TRRAP: variants seen among roughly 807,000 people sequenced by gnomAD.
TRRAP encodes the protein transformation/transcription domain associated protein.
A neutral mutation model predicts 438.8 loss-of-function variants in TRRAP; 41 were observed. The observed-to-expected ratio is 0.09, with a 90% confidence interval of 0.07 to 0.12. The LOEUF is 0.12. Among genes scored for constraint, TRRAP ranks in the 10% least tolerant of loss-of-function variants. The pLI, the probability that TRRAP is intolerant of heterozygous loss-of-function variation, is 1.00. For synonymous variants in TRRAP, 1,994 were observed against 1,962.9 expected, an observed-to-expected ratio of 1.02 and a Z score of -0.42; for missense variants, 3,122 against 5,055.1, an observed-to-expected ratio of 0.62 and a Z score of 11.60.
At position 98,967,715 on chromosome 7, in the gene TRRAP, C is replaced by T; in HGVS notation, c.7512+17C>T. 6.2e-7 allele frequency: 1 copy of T among 1,607,126 alleles called. No individual in the cohort carries two copies. The highest frequency in any genetic ancestry group is 8.5e-7 in the Non-Finnish European group (1 of 1,176,106). ...TGCATTGAGGTAGGAAGACTCGGCT[C>T]ACATCTGTGGCCGGGGGCAGCTGTG... On this transcript the variant is annotated intron_variant, in intron 51 of 72. Transcript: ENST00000456197.
At chr7:98,932,753 A>G (rs1417044428) in intron 26 of TRRAP, among the ~76,000 whole-genome samples, 3 of 152,178 alleles carry the variant, frequency 2.0e-5, no homozygotes, top group Non-Finnish European at 4.4e-5. Flanking sequence ...AAATAGTTAC[A>G]CTTTAATAGT....
intron 20 of TRRAP, among the ~76,000 whole-genome samples, chr7:98,919,288 C>T (rs1225878921): frequency 6.6e-6 from 1 of 151,944 alleles, no homozygotes; most frequent in Non-Finnish European, 1.5e-5. Flanking sequence ...AGATCTTGGG[C>T]TTCATCTAGG....
rs150643572 is a variant in TRRAP, at chr7:98,970,124, G to A, written c.7525G>A (p.Val2509Met). The A allele has an allele frequency of 6.1e-5, 99 of 1,613,668 alleles. No homozygotes were observed. The highest frequency in any genetic ancestry group is 8.3e-5 in the Admixed American group (5 of 59,982). The part of the protein sequence containing the change: ...IKQCIELLLA[V>M]CEKSTPIGTS... ...GCACCCCTTGCAGCTGCTTCTGGCC[G>A]TGTGTGAGAAGAGCACCCCCATTGG... Residue 2509 changes from valine to methionine, a missense_variant, in exon 52 of 73, where the codon GTG becomes ATG. This residue lies in a region of TRRAP where 992 missense variants were observed against 1,281.2 expected (regional missense o/e 0.77). Coordinates refer to ENST00000456197, the MANE Select transcript of TRRAP (RefSeq NM_001375524.1).
intron 1 of TRRAP, among the ~76,000 whole-genome samples, chr7:98,879,169 C>T (rs2116206303): frequency 2.0e-5 from 3 of 152,290 alleles, no homozygotes; most frequent in East Asian, 3.9e-4. Context: ...GCAGTTTGTC[C>T]CCAGGAGTAG....
At chr7:98,997,546 A>G (rs1793727555) in intron 67 of TRRAP, among the ~76,000 whole-genome samples, 1 of 147,344 alleles carries the variant, frequency 6.8e-6, no homozygotes, top group African/African-American at 2.5e-5. Flanking sequence ...ATAGCTTGTT[A>G]GAGAAGATCT....
intron 52 of TRRAP, 132 bp downstream of exon 52, chr7:98,970,423 C>T (rs1299513782): frequency 9.4e-6 from 11 of 1,166,682 alleles, no homozygotes; most frequent in African/African-American, 4.6e-5. Context: ...TGAGGCCCCG[C>T]GCCCCACGGG....
Position 98,905,439 on chromosome 7 carries a change from T to C in TRRAP, c.1037-738T>C, listed in dbSNP as rs575082044. 5.5e-4 allele frequency among the ~76,000 whole-genome samples: 84 copies of C among 152,326 alleles called. 1 individual carries two copies. Among genetic ancestry groups the C allele is most frequent in the African/African-American group, 1.6e-3 (67 of 41,578 alleles). On this transcript the variant is annotated intron_variant, in intron 12 of 72. Transcript: ENST00000456197. ...CTTATTCCAGAACCTGAACACCCTT[T>C]GGGATGATTGTATTAATAGAACTCC...
intron 11 of TRRAP, among the ~76,000 whole-genome samples, chr7:98,902,238 T>G (rs1194609935): frequency 6.6e-6 from 1 of 152,226 alleles, no homozygotes; most frequent in Non-Finnish European, 1.5e-5. Context: ...GATGAAGAAG[T>G]TCTGGGTGCT....
At chr7:98,941,809 A>G (rs1790809789) in intron 30 of TRRAP, among the ~76,000 whole-genome samples, 1 of 152,152 alleles carries the variant, frequency 6.6e-6, no homozygotes, top group Non-Finnish European at 1.5e-5. Context: ...CATGAAGACC[A>G]GTTCATTGGC....
chr7:98,967,292 T>C, intron 50 of TRRAP, 130 bp downstream of exon 50: 4 of 1,364,210 alleles, frequency 2.9e-6, no homozygotes, highest in Non-Finnish European at 4.0e-6. Context: ...AAATGCTAAA[T>C]TGTGTGACCT....
chr7:98,935,488 T>C, intron 27 of TRRAP, 91 bp from the exon 28 acceptor site: 2 of 1,047,328 alleles, frequency 1.9e-6, no homozygotes, highest in Non-Finnish European at 2.8e-6. Context: ...TGTGTTGCAG[T>C]GTGTGGAAGA....
chr7:98,958,342 G>A (rs1791723618), intron 44 of TRRAP, among the ~76,000 whole-genome samples: 1 of 150,678 alleles, frequency 6.6e-6, no homozygotes, highest in African/African-American at 2.4e-5. Flanking sequence ...TCGCTTTGTT[G>A]CCCAGGCTGG....
At chr7:99,003,653 G>C (rs1270924473) in intron 67 of TRRAP, among the ~76,000 whole-genome samples, 1 of 152,230 alleles carries the variant, frequency 6.6e-6, no homozygotes, top group Non-Finnish European at 1.5e-5. Flanking sequence ...CAGGCTGGTG[G>C]TTCCTCTCTT....
chr7:98,961,138 G>GT (rs951796146), intron 45 of TRRAP, 123 bp from the exon 46 acceptor site: 103 of 854,784 alleles, frequency 1.2e-4, no homozygotes, highest in African/African-American at 5.5e-4. Flanking sequence ...TTCTCTAGTG[G>GT]TTTTTTTTAC....
Position 98,903,504 on chromosome 7 carries a change from A to G in TRRAP, c.1023A>G (p.Thr341=). ...TTGCTGCCAAACACATCCTCACCAC[A>G]GAGCTGAGAAACCGTACGTCCAGCC... ...LLIAAKHILT[T]ELRNQFIPCM... Residue 341 remains threonine (T), a synonymous_variant, in exon 12 of 73, where the codon ACA becomes ACG. Transcript: ENST00000456197. The G allele has an allele frequency of 6.2e-7, 1 of 1,614,166 alleles. No individual in the cohort carries two copies. The highest frequency in any genetic ancestry group is 8.5e-7 in the Non-Finnish European group (1 of 1,180,030).
Position 98,949,820 on chromosome 7 carries a change from A to G in TRRAP, c.5114A>G (p.Tyr1705Cys), listed in dbSNP as rs782721965. 8 of 1,613,376 alleles carry G rather than the reference A, an allele frequency of 5.0e-6. No individual in the cohort carries two copies. Among genetic ancestry groups the G allele is most frequent in the Non-Finnish European group, 5.1e-6 (6 of 1,179,892 alleles). ...TNWKEPKLLA[Y>C]CLLNYCKRNY... ...TGGAAGGAGCCCAAGCTGCTGGCCT[A>G]CTGCCTGCTGAACTACTGCAAGTGG... The change falls in exon 37 of 73, where the codon TAC (tyrosine) becomes TGC (cysteine). Residue 1705 changes from tyrosine to cysteine, a missense_variant. Physicochemically the swap from Tyr to Cys is radical, Grantham distance 194. Transcript: ENST00000456197.
intron 21 of TRRAP, 120 bp from the exon 22 acceptor site, chr7:98,924,992 G>A (rs1322049185): frequency 2.5e-5 from 34 of 1,359,130 alleles, no homozygotes; most frequent in South Asian, 2.5e-4. Context: ...GCGACAGAGC[G>A]AGACTCCGTC....
Position 98,937,300 on chromosome 7 carries a change from A to T in TRRAP, c.4233+23A>T, listed in dbSNP as rs371581184. On this transcript the variant is annotated intron_variant, in intron 29 of 72. Coordinates refer to ENST00000456197, the MANE Select transcript of TRRAP (RefSeq NM_001375524.1). ...AAGGTGAGTGTGTGTGCGTGCGTGT[A>T]TGCGCACGCGTGTGTGCACACACAT... 105 of 1,563,402 alleles carry T rather than the reference A, an allele frequency of 6.7e-5. No individual in the cohort carries two copies. The East Asian group carries it at 1.5e-3, about 22-fold the overall frequency.
At chr7:98,903,248 C>T (rs1796554413) in intron 11 of TRRAP, 131 bp from the exon 12 acceptor site, 1 of 1,118,882 alleles carries the variant, frequency 8.9e-7, no homozygotes. Context: ...TCTTGATCTC[C>T]TGACCTCATG....
Sources: allele counts gnomAD v4.1 joint callset (sites outside exome capture counted in the v4.1 genomes callset), GRCh38; gene constraint gnomAD v4.1.1; regional missense constraint gnomAD v4.1.1; transcripts MANE v1.5; gene names NCBI Gene and HGNC (gene_info 2026-07-23, HGNC 2026-07-21).